The following UMAD1 variants were observed in gnomAD, a reference collection of about 807,000 sequenced individuals.
UMAD1 encodes the protein UBAP1-MVB12-associated (UMA) domain containing 1.
A neutral mutation model predicts 6.1 loss-of-function variants in UMAD1; 8 were observed. That is an observed-to-expected ratio of 1.30 (90% CI 0.76 to 2.35). The LOEUF is 2.35. UMAD1 is among the 30% of genes most tolerant of loss of function. UMAD1 has a pLI of 0.00. For missense variants in UMAD1, 130 were observed against 78.4 expected (o/e 1.66, Z -2.49); for synonymous variants, 56 against 31.4 (o/e 1.78, Z -2.61).
Position 7,740,566 on chromosome 7 carries a change from G to A in UMAD1, c.83-61104G>A, listed in dbSNP as rs374466698. The A allele has an allele frequency of 3.3e-4, 50 of 152,274 alleles. 1 individual carries two copies. Among genetic ancestry groups the A allele is most frequent in the African/African-American group, 1.2e-3 (48 of 41,544 alleles). The allele number at this position is 152,274 out of a possible 1,614,324, so 9.4% of individuals were successfully genotyped here. ...TTTTCTTCTAGAATTTTGAAATTTA[G>A]TGAACAAATTCAAGTAGGACACACC... On this transcript the variant is annotated intron_variant, in intron 2 of 3. Coordinates refer to ENST00000682710, the MANE Select transcript of UMAD1 (RefSeq NM_001302348.2).
At chr7:7,706,310 G>T (rs1780598050) in intron 2 of UMAD1, among the ~76,000 whole-genome samples, 1 of 152,144 alleles carries the variant, frequency 6.6e-6, no homozygotes, top group Non-Finnish European at 1.5e-5. Context: ...TAGAAGAGGT[G>T]GAAGTAGTGA....
chr7:7,852,336 A>G (rs1783932833), intron 3 of UMAD1, among the ~76,000 whole-genome samples: 1 of 152,174 alleles, frequency 6.6e-6, no homozygotes, highest in South Asian at 2.1e-4. Flanking sequence ...AGTTCTGTAG[A>G]AGACACCTGC....
chr7:7,805,717 T>G (rs1460399846), intron 3 of UMAD1, among the ~76,000 whole-genome samples: 2 of 152,202 alleles, frequency 1.3e-5, no homozygotes, highest in Non-Finnish European at 2.9e-5. Flanking sequence ...TTGATGATGT[T>G]AAGCCCTTTC....
intron 3 of UMAD1, among the ~76,000 whole-genome samples, chr7:7,832,186 T>C (rs1783480183): frequency 6.6e-6 from 1 of 152,236 alleles, no homozygotes. Flanking sequence ...CTTCATACCA[T>C]AGCATTGTAT....
chr7:7,784,815 G>A (rs1355253397), intron 2 of UMAD1, among the ~76,000 whole-genome samples: 1 of 128,062 alleles, frequency 7.8e-6, no homozygotes, highest in Admixed American at 8.9e-5. Flanking sequence ...AGGCTGGAGT[G>A]CAGTGGCGCG....
chr7:7,669,056 A>G (rs1158045077), intron 1 of UMAD1, among the ~76,000 whole-genome samples: 1 of 150,464 alleles, frequency 6.6e-6, no homozygotes, highest in Non-Finnish European at 1.5e-5. Flanking sequence ...CTACACATAT[A>G]TAGACAGTGG....
rs146569985 is a variant in UMAD1, at chr7:7,728,547, G to A, written c.82+55094G>A. Among the ~76,000 whole-genome samples, 1,221 of 152,146 alleles carry A rather than the reference G, an allele frequency of 8.0e-3. 8 individuals are homozygous for A. The highest frequency in any genetic ancestry group is 0.031 in the Middle Eastern group (9 of 294). ...TAGTCCGAGCTACTCAGGAGGCTAA[G>A]GCAGGAGAATCACTTGAACCCGGGA... On this transcript the variant is annotated intron_variant, in intron 2 of 3. Transcript: ENST00000682710.
chr7:7,651,116 A>T (rs1245806768), intron 1 of UMAD1, among the ~76,000 whole-genome samples: 1 of 152,210 alleles, frequency 6.6e-6, no homozygotes, highest in Non-Finnish European at 1.5e-5. Flanking sequence ...CATTCAGAGA[A>T]ATCACTCCCT....
In UMAD1 at chr7:7,768,331, T is replaced by A. The variant is rs188041830; in HGVS notation, c.83-33339T>A. Among the ~76,000 whole-genome samples the A allele has an allele frequency of 5.9e-3, 892 of 152,256 alleles. 40 individuals carry two copies. The highest frequency in any genetic ancestry group is 0.053 in the Admixed American group (816 of 15,296). On this transcript the variant is annotated intron_variant, in intron 2 of 3. Coordinates refer to ENST00000682710, the MANE Select transcript of UMAD1 (RefSeq NM_001302348.2). ...TGCCAAATGTGTGTTTTGAGAGGGA[T>A]TTCCTCATTTCTTAACTGCAGTCTA... is the stretch of plus-strand genomic sequence containing the variant.
chr7:7,831,133 C>A (rs1204746317), intron 3 of UMAD1, among the ~76,000 whole-genome samples: 2 of 152,092 alleles, frequency 1.3e-5, no homozygotes, highest in African/African-American at 4.8e-5. Context: ...ATTCTCCTGA[C>A]TATTAATTTG....
intron 2 of UMAD1, among the ~76,000 whole-genome samples, chr7:7,755,947 C>T (rs955467253): frequency 1.3e-5 from 2 of 152,158 alleles, no homozygotes; most frequent in Admixed American, 6.6e-5. Flanking sequence ...CTGACACACA[C>T]TTATCACTAA....
chr7:7,813,249 T>A (rs968007013), intron 3 of UMAD1, among the ~76,000 whole-genome samples: 2 of 152,288 alleles, frequency 1.3e-5, no homozygotes, highest in South Asian at 4.1e-4. Context: ...GGAGTCTCGC[T>A]CTGTCGCCCA....
At chr7:7,762,089 T>C (rs143474916) in intron 2 of UMAD1, among the ~76,000 whole-genome samples, 82 of 152,330 alleles carry the variant, frequency 5.4e-4, no homozygotes, top group African/African-American at 1.9e-3. Flanking sequence ...CTATCCTAAA[T>C]ACAGTTCCTT....
intron 2 of UMAD1, among the ~76,000 whole-genome samples, chr7:7,757,459 ATAAAG>A (rs1192271817): frequency 2.6e-5 from 4 of 152,358 alleles, no homozygotes; most frequent in Middle Eastern, 3.4e-3. Flanking sequence ...AGAGTGATCT[ATAAAG>A]TAAAGTTCTT....
chr7:7,813,352 G>C (rs1280136688), intron 3 of UMAD1, among the ~76,000 whole-genome samples: 1 of 151,984 alleles, frequency 6.6e-6, no homozygotes, highest in African/African-American at 2.4e-5. Flanking sequence ...CTACAGGCAT[G>C]CGACACCACG....
chr7:7,656,392 G>C (rs559257147), intron 1 of UMAD1, among the ~76,000 whole-genome samples: 3 of 151,772 alleles, frequency 2.0e-5, no homozygotes, highest in Non-Finnish European at 2.9e-5. Flanking sequence ...AGGTATACAC[G>C]TGCCATGGTG....
intron 3 of UMAD1, among the ~76,000 whole-genome samples, chr7:7,804,340 A>C (rs1782863474): frequency 6.6e-6 from 1 of 152,248 alleles, no homozygotes; most frequent in South Asian, 2.1e-4. Context: ...CCTTGACAGT[A>C]AGCATCTAAC....
intron 1 of UMAD1, among the ~76,000 whole-genome samples, chr7:7,647,457 G>T (rs146286103): frequency 6.6e-6 from 1 of 152,220 alleles, no homozygotes; most frequent in African/African-American, 2.4e-5. Flanking sequence ...GTATTTTCCA[G>T]TTGTTGGATC....
chr7:7,649,592 G>C (rs545606157), intron 1 of UMAD1, among the ~76,000 whole-genome samples: 1 of 152,014 alleles, frequency 6.6e-6, no homozygotes, highest in South Asian at 2.1e-4. Flanking sequence ...TTCCTTTCTT[G>C]CCTTCTTTTG....
Sources: gnomAD v4.1 joint callset for allele counts (sites outside exome capture counted in the v4.1 genomes callset) on GRCh38, gnomAD v4.1.1 for gene constraint, MANE v1.5 for transcripts, NCBI Gene and HGNC (gene_info 2026-07-23, HGNC 2026-07-21) for gene names.